The following HSPB8 variants were observed in gnomAD, a reference collection of about 807,000 sequenced individuals.
The protein encoded by HSPB8 is heat shock protein beta-8.
In HSPB8, 9 loss-of-function variants were observed where a neutral mutation model predicts 16.5. The ratio of observed to expected loss-of-function variants is 0.55; its 90% CI spans 0.33 to 0.95. The LOEUF (loss-of-function observed/expected upper bound fraction) is 0.95. HSPB8 is among the 40% of genes least tolerant of loss of function. HSPB8 has a pLI of 0.03. For missense variants in HSPB8, 238 were observed against 251.2 expected (o/e 0.95, Z 0.35); for synonymous variants, 99 against 94.8 (o/e 1.04, Z -0.26).
At chr12:119,188,317 G>T (rs1966544) in intron 2 of HSPB8, among the ~76,000 whole-genome samples, 1 of 149,322 alleles carries the variant, frequency 6.7e-6, no homozygotes, top group Non-Finnish European at 1.5e-5. Context: ...CACGATGTCA[G>T]CTCACTGCAA....
rs758136546 is a variant in HSPB8 at position 119,179,159 on chromosome 12, C to G, written c.-154C>G. The G allele has an allele frequency of 3.9e-6, 3 of 777,138 alleles. No individual in the cohort carries two copies. Among genetic ancestry groups the G allele is most frequent in the Non-Finnish European group, 6.6e-6 (3 of 456,860 alleles). 48.1% of individuals were successfully genotyped at this position (777,138 alleles called of 1,614,324 possible). On this transcript the variant is annotated 5_prime_UTR_variant, in exon 1 of 3. Transcript: ENST00000281938. ...CCCAGTCGAGGGGACACAACCGTCCCTGGCAGTGGTTGGTTCTGCTTCTCC... is the reference window on the plus strand; with the variant it reads ...CCCAGTCGAGGGGACACAACCGTCCGTGGCAGTGGTTGGTTCTGCTTCTCC...
At chr12:119,187,889 G>C (rs971835692) in intron 2 of HSPB8, among the ~76,000 whole-genome samples, 1 of 152,192 alleles carries the variant, frequency 6.6e-6, no homozygotes, top group Non-Finnish European at 1.5e-5. Context: ...CAAAAATGAA[G>C]TTGGAAAGTG....
In HSPB8 at chr12:119,179,552, G is replaced by T; in HGVS notation, c.240G>T (p.Gly80=). 1 of 1,613,574 alleles carries T rather than the reference G, an allele frequency of 6.2e-7. No individual in the cohort carries two copies. The highest frequency in any genetic ancestry group is 8.5e-7 in the Non-Finnish European group (1 of 1,179,728). The change falls in exon 1 of 3, where the codon GGG becomes GGT. Residue 80 remains glycine, a synonymous_variant. Coordinates refer to ENST00000281938, the MANE Select transcript of HSPB8 (RefSeq NM_014365.3). ...PRGPTATARF[G]VPAEGRTPPP... is the part of the protein sequence containing the mutation. ...GCCCCACTGCCACCGCCAGGTTTGGGGTGCCTGCCGAGGGCAGGACCCCCC... is the reference window on the plus strand; with the variant it reads ...GCCCCACTGCCACCGCCAGGTTTGGTGTGCCTGCCGAGGGCAGGACCCCCC...
intron 1 of HSPB8, among the ~76,000 whole-genome samples, chr12:119,184,988 C>T (rs1360927984): frequency 6.6e-6 from 1 of 151,934 alleles, no homozygotes; most frequent in Admixed American, 6.6e-5. Flanking sequence ...GAGAACTATC[C>T]CATTTGATAG....
chr12:119,189,302 GGTGTGTGT>G (rs60310566), intron 2 of HSPB8, among the ~76,000 whole-genome samples: 2,278 of 143,386 alleles, frequency 0.016, 61 homozygotes, highest in African/African-American at 0.053. Flanking sequence ...TCTTAAAAGG[GGTGTGTGT>G]GTGTGTGTGT....
At chr12:119,182,298 A>C (rs1954643274) in intron 1 of HSPB8, 1 of 152,210 alleles carries the variant, frequency 6.6e-6, no homozygotes, top group African/African-American at 2.4e-5. Flanking sequence ...AAGGGCTTTC[A>C]TAAAAGGGGT....
Position 119,193,977 on chromosome 12 carries a change from G to A in HSPB8, c.*119G>A. 1.8e-6 allele frequency: 2 copies of A among 1,104,528 alleles called. No homozygotes were observed. Among genetic ancestry groups the A allele is most frequent in the East Asian group, 2.4e-5 (1 of 41,582 alleles). The allele number at this position is 1,104,528 out of a possible 1,614,324, so 68.4% of individuals were successfully genotyped here. A position where few individuals can be genotyped will look rare whatever the true frequency, so the allele number is the denominator to read the frequency against. ...AAGTAAAATGTTAGAGGGTGCGGGGGTGAGGACTGACCACAGATTCCCTGG... is the reference window on the plus strand; with the variant it reads ...AAGTAAAATGTTAGAGGGTGCGGGGATGAGGACTGACCACAGATTCCCTGG... On this transcript the variant is annotated 3_prime_UTR_variant, in exon 3 of 3. Transcript: ENST00000281938.
intron 1 of HSPB8, among the ~76,000 whole-genome samples, chr12:119,183,789 T>G (rs1296781443): frequency 6.6e-6 from 1 of 152,174 alleles, no homozygotes; most frequent in East Asian, 1.9e-4. Context: ...GCCCCTCTTT[T>G]GGAAATCTTG....
intron 1 of HSPB8, among the ~76,000 whole-genome samples, chr12:119,182,563 G>T (rs2136081721): frequency 6.6e-6 from 1 of 152,212 alleles, no homozygotes; most frequent in Admixed American, 6.5e-5. Context: ...GCTTGAACCT[G>T]GGAGGTGGAG....
Position 119,179,258 on chromosome 12 carries a change from G to T in HSPB8, c.-55G>T, listed in dbSNP as rs931748228. The T allele has an allele frequency of 2.5e-6, 4 of 1,577,826 alleles. No individual in the cohort carries two copies. The African/African-American group carries it at 5.4e-5, about 21-fold the overall frequency. ...CACACCACCTTGTTGTGTGACCTTG[G>T]GCAGGTGGTTCTGTCTCTCTGAGCC... is the stretch of plus-strand genomic sequence containing the variant. On this transcript the variant is annotated 5_prime_UTR_variant, in exon 1 of 3. Transcript: ENST00000281938.
intron 1 of HSPB8, among the ~76,000 whole-genome samples, chr12:119,182,410 G>T (rs188199195): frequency 6.6e-6 from 1 of 152,076 alleles, no homozygotes; most frequent in Non-Finnish European, 1.5e-5. Flanking sequence ...AGGCCAAGGC[G>T]GGAGGATCGC....
At chr12:119,190,625 G>T (rs1329687106) in intron 2 of HSPB8, among the ~76,000 whole-genome samples, 1 of 152,102 alleles carries the variant, frequency 6.6e-6, no homozygotes, top group African/African-American at 2.4e-5. Flanking sequence ...TGCTTACATT[G>T]CTGTACCATG....
chr12:119,183,578 C>T (rs1481890657), intron 1 of HSPB8, among the ~76,000 whole-genome samples: 6 of 152,170 alleles, frequency 3.9e-5, no homozygotes, highest in African/African-American at 1.4e-4. Context: ...TTCTAAAAAT[C>T]ATAATAATTA....
At chr12:119,179,874 C>T (rs1241240669) in intron 1 of HSPB8, among the ~76,000 whole-genome samples, 195 bp downstream of exon 1, 3 of 152,176 alleles carry the variant, frequency 2.0e-5, no homozygotes, top group Non-Finnish European at 4.4e-5. Flanking sequence ...AGATCTTAAC[C>T]TGCCTGACTC....
chr12:119,184,805 G>A (rs542711740), intron 1 of HSPB8, among the ~76,000 whole-genome samples: 25 of 152,312 alleles, frequency 1.6e-4, no homozygotes, highest in Non-Finnish European at 3.4e-4. Context: ...TCTCGCCAAC[G>A]TTGGAAACTC....
intron 1 of HSPB8, 169 bp from the exon 2 acceptor site, chr12:119,186,856 G>A: frequency 1.5e-6 from 1 of 685,542 alleles, no homozygotes; most frequent in Non-Finnish European, 2.6e-6. Context: ...GACTTAGGTG[G>A]GTCTGTATGG....
chr12:119,180,290 T>C (rs1954628505), intron 1 of HSPB8, among the ~76,000 whole-genome samples: 1 of 152,196 alleles, frequency 6.6e-6, no homozygotes. Context: ...TATCTTCTTT[T>C]TTCAGATGAG....
At chr12:119,191,233 TCAC>T (rs1347102902) in intron 2 of HSPB8, among the ~76,000 whole-genome samples, 2 of 152,120 alleles carry the variant, frequency 1.3e-5, no homozygotes, top group African/African-American at 2.4e-5. Context: ...AGAGTCAAGA[TCAC>T]CAGCCCCATG....
At chr12:119,193,250 G>A (rs1338798113) in intron 2 of HSPB8, among the ~76,000 whole-genome samples, 3 of 152,216 alleles carry the variant, frequency 2.0e-5, no homozygotes, top group African/African-American at 7.2e-5. Context: ...AGATGAAAAT[G>A]TGTTGCCTGT....
Sources: gnomAD v4.1 joint callset for allele counts (sites outside exome capture counted in the v4.1 genomes callset) on GRCh38, gnomAD v4.1.1 for gene constraint, MANE v1.5 for transcripts, NCBI Gene and HGNC (gene_info 2026-07-23, HGNC 2026-07-21) for gene names.